The following TP63 variants were observed in gnomAD, a reference collection of about 807,000 sequenced individuals.
TP63 encodes tumor protein p63, also known as tumor protein 63.
Under a neutral mutation model 82.8 loss-of-function variants are expected in TP63, and 17 were observed. The observed-to-expected ratio is 0.21, with a 90% CI of 0.14 to 0.31. The LOEUF (loss-of-function observed/expected upper bound fraction) is 0.31, where lower values mean the gene tolerates loss of function less well. Ranked by LOEUF, TP63 falls within the 10% of genes least tolerant of loss-of-function variation. The pLI, the probability that TP63 is intolerant of heterozygous loss-of-function variation, is 1.00. For missense variants in TP63, 648 were observed against 895.3 expected (o/e 0.72, Z 3.52); for synonymous variants, 330 against 321.7 (o/e 1.03, Z -0.28).
At chr3:189,677,339 T>TATAAATATATATAAATAATTATATAC (rs1715505802) in intron 1 of TP63, among the ~76,000 whole-genome samples, 1 of 146,726 alleles carries the variant, frequency 6.8e-6, no homozygotes. Context: ...TATTTATATA[T>TATAAATATATATAAATAATTATATAC]ATAAATATAT....
At chr3:189,799,258 T>C (rs1436981604) in intron 3 of TP63, among the ~76,000 whole-genome samples, 1 of 152,106 alleles carries the variant, frequency 6.6e-6, no homozygotes, top group South Asian at 2.1e-4. Context: ...AATTATGGCT[T>C]TATTCTAAAC....
Position 189,716,277 on chromosome 3 carries a change from A to G in TP63, c.63-21463A>G, listed in dbSNP as rs528942085. Among the ~76,000 whole-genome samples the G allele has an allele frequency of 2.0e-5, 3 of 152,250 alleles. No individual in the cohort carries two copies. In the South Asian group the frequency reaches 6.2e-4, roughly 32 times the overall value. On this transcript the variant is annotated intron_variant, in intron 1 of 13. Coordinates refer to ENST00000264731, the MANE Select transcript of TP63 (RefSeq NM_003722.5). ...GTCCAATTTTATAAAATATATTTTT[A>G]TTTACTCTTGAGTGAGATCAAACCC... is the stretch of plus-strand genomic sequence containing the variant.
intron 4 of TP63, among the ~76,000 whole-genome samples, 182 bp from the exon 5 acceptor site, chr3:189,864,050 C>T (rs1015979058): frequency 2.0e-5 from 3 of 152,180 alleles, no homozygotes; most frequent in African/African-American, 4.8e-5. Context: ...TATGATAGCA[C>T]AAAATATTAA....
chr3:189,749,643 C>T (rs1721648569), intron 3 of TP63, among the ~76,000 whole-genome samples: 1 of 151,888 alleles, frequency 6.6e-6, no homozygotes. Flanking sequence ...CCTCAAAAAA[C>T]TAAAAACTAC....
At chr3:189,758,912 C>A (rs557376942) in intron 3 of TP63, among the ~76,000 whole-genome samples, 1 of 152,292 alleles carries the variant, frequency 6.6e-6, no homozygotes, top group South Asian at 2.1e-4. Flanking sequence ...TGAAAGCCAA[C>A]ACTCTTTTGT....
At chr3:189,892,639 A>G (rs1721134010) in intron 13 of TP63, among the ~76,000 whole-genome samples, 1 of 151,932 alleles carries the variant, frequency 6.6e-6, no homozygotes, top group East Asian at 1.9e-4. Flanking sequence ...AAAAATACAA[A>G]AAATTAGCCA....
chr3:189,864,101 A>G, intron 4 of TP63, 131 bp from the exon 5 acceptor site: 1 of 1,121,676 alleles, frequency 8.9e-7, no homozygotes, highest in South Asian at 1.2e-5. Flanking sequence ...TCACATCTAT[A>G]GTAGCCAGTA....
At chr3:189,800,612 C>T (rs115266650) in intron 3 of TP63, among the ~76,000 whole-genome samples, 206 of 152,112 alleles carry the variant, frequency 1.4e-3, no homozygotes, top group African/African-American at 4.9e-3. Context: ...CTTAGGAAAG[C>T]GGGTTCCGGA....
rs760026775 is a variant in TP63, at chr3:189,894,389, T to C, written c.1930T>C (p.Phe644Leu). 1 of 1,613,848 alleles carries C rather than the reference T, an allele frequency of 6.2e-7. No homozygotes were observed. Among genetic ancestry groups the C allele is most frequent in the Non-Finnish European group, 8.5e-7 (1 of 1,179,984 alleles). ...TGAGCGTGTTATTGATGCTGTGCGA[T>C]TCACCCTCCGCCAGACCATCTCTTT... is the stretch of plus-strand genomic sequence containing the variant. ...RGERVIDAVRFTLRQTISFPP... is the reference protein window; with the variant it reads ...RGERVIDAVRLTLRQTISFPP... Residue 644 changes from phenylalanine (F) to leucine (L), a missense_variant, in exon 14 of 14, where the codon TTC becomes CTC. Transcript: ENST00000264731.
intron 3 of TP63, among the ~76,000 whole-genome samples, chr3:189,752,385 T>C (rs184812445): frequency 2.6e-5 from 4 of 152,222 alleles, no homozygotes; most frequent in Non-Finnish European, 4.4e-5. Flanking sequence ...CCGTGTTCAC[T>C]GTTCAGACTG....
Position 189,669,222 on chromosome 3 carries a change from AC to A in TP63, c.62+37646del, listed in dbSNP as rs149161722. Among the ~76,000 whole-genome samples the A allele has an allele frequency of 1.8e-3, 276 of 152,126 alleles. 5 individuals carry two copies. The highest frequency in any genetic ancestry group is 0.014 in the Admixed American group (212 of 15,256). On this transcript the variant is annotated intron_variant, in intron 1 of 13. Coordinates refer to ENST00000264731, the MANE Select transcript of TP63 (RefSeq NM_003722.5). ...TGCTAGTATATAGCAAAAGAAAAAA[AC>A]AATACTAACAACCAAAAAACCTGTA...
At chr3:189,700,741 T>A (rs932248294) in intron 1 of TP63, among the ~76,000 whole-genome samples, 2 of 152,164 alleles carry the variant, frequency 1.3e-5, no homozygotes, top group Non-Finnish European at 2.9e-5. Context: ...ACATAGAGAA[T>A]TGGAAACAGG....
At chr3:189,870,763 C>T (rs778258339) in intron 9 of TP63, among the ~76,000 whole-genome samples, 1 of 152,044 alleles carries the variant, frequency 6.6e-6, no homozygotes, top group Non-Finnish European at 1.5e-5. Flanking sequence ...GTGGCAATGA[C>T]GTTTTGGTGG....
At chr3:189,637,718 A>T (rs75068794) in intron 1 of TP63, among the ~76,000 whole-genome samples, 2,029 of 152,238 alleles carry the variant, frequency 0.013, 53 homozygotes, top group African/African-American at 0.046. Flanking sequence ...GTAGGCAGAT[A>T]TGGTAGGCAG....
intron 4 of TP63, among the ~76,000 whole-genome samples, chr3:189,852,353 A>T (rs539592586): frequency 6.6e-6 from 1 of 152,202 alleles, no homozygotes; most frequent in South Asian, 2.1e-4. Flanking sequence ...CCAGGTTTCA[A>T]TTGTCTGCTG....
chr3:189,853,450 C>T (rs1577108483), intron 4 of TP63, among the ~76,000 whole-genome samples: 1 of 152,156 alleles, frequency 6.6e-6, no homozygotes, highest in Non-Finnish European at 1.5e-5. Context: ...GCAAGCATAC[C>T]CAGCCAGGAC....
intron 6 of TP63, among the ~76,000 whole-genome samples, chr3:189,867,221 G>A (rs956158053): frequency 7.2e-5 from 11 of 152,170 alleles, no homozygotes; most frequent in Non-Finnish European, 1.3e-4. Flanking sequence ...TAAATCTGTT[G>A]CATGAAGCAG....
chr3:189,809,277 G>A (rs1727275068), intron 4 of TP63, among the ~76,000 whole-genome samples: 1 of 152,076 alleles, frequency 6.6e-6, no homozygotes, highest in Non-Finnish European at 1.5e-5. Context: ...AAATTAGGAA[G>A]ATACAAGAAT....
Position 189,747,531 on chromosome 3 carries a change from CAAAT to C in TP63, c.324+8758_324+8761del, listed in dbSNP as rs1721470880. Among the ~76,000 whole-genome samples, 5 of 151,928 alleles carry C rather than the reference CAAAT, an allele frequency of 3.3e-5. No homozygotes were observed. The South Asian group carries it at 1.0e-3, about 32-fold the overall frequency. On this transcript the variant is annotated intron_variant, in intron 3 of 13. Coordinates refer to ENST00000264731, the MANE Select transcript of TP63 (RefSeq NM_003722.5). ...GAGGAAATTAAAAAATTTCTTGAAA[CAAAT>C]GAAAATTGAAACACAATGTATCAAA... is the stretch of plus-strand genomic sequence containing the variant.
Sources: gnomAD v4.1 joint callset for allele counts (sites outside exome capture counted in the v4.1 genomes callset) on GRCh38, gnomAD v4.1.1 for gene constraint, MANE v1.5 for transcripts, NCBI Gene and HGNC (gene_info 2026-07-23, HGNC 2026-07-21) for gene names.